The following CFAP47 variants were observed in gnomAD, a reference collection of about 807,000 sequenced individuals.
CFAP47 encodes cilia- and flagella-associated protein 47.
Under a neutral mutation model 148.1 loss-of-function variants are expected in CFAP47, and 29 were observed. The ratio of observed to expected loss-of-function variants is 0.20; its 90% confidence interval spans 0.15 to 0.27. The LOEUF is 0.27. Ranked by LOEUF, CFAP47 falls within the 10% of genes least tolerant of loss-of-function variation. CFAP47 has a pLI of 1.00. For synonymous variants in CFAP47, 664 were observed against 577.3 expected (o/e 1.15, Z -2.15); for missense variants, 1,872 against 1,697.5 (o/e 1.10, Z -1.81).
rs782046078 is a variant in CFAP47, at chrX:36,260,935, A to G, written c.7444+9491A>G. Among the ~76,000 whole-genome samples the G allele has an allele frequency of 1.5e-3, 171 of 110,788 alleles. 1 individual carries two copies. The highest frequency in any genetic ancestry group is 5.2e-3 in the African/African-American group (157 of 30,394). ...GTCTTCTGCATATGGCTAGACAATT[A>G]CCCCAGTACTATTTATTGAATAGGG... On this transcript the variant is annotated intron_variant, in intron 49 of 63. Transcript: ENST00000378653.
intron 10 of CFAP47, among the ~76,000 whole-genome samples, chrX:35,969,290 A>G (rs1024368326): frequency 9.0e-6 from 1 of 111,303 alleles, no homozygotes; most frequent in East Asian, 2.8e-4. Context: ...TGTAATTTCT[A>G]TTTCATTTTA....
intron 15 of CFAP47, among the ~76,000 whole-genome samples, chrX:35,984,386 T>A (rs956805157): frequency 9.0e-6 from 1 of 111,499 alleles, no homozygotes; most frequent in Non-Finnish European, 1.9e-5. Flanking sequence ...TCAATCTTAT[T>A]TATTCCTTCA....
intron 36 of CFAP47, among the ~76,000 whole-genome samples, chrX:36,146,104 C>T (rs751209640): frequency 2.7e-5 from 3 of 111,492 alleles, no homozygotes; most frequent in African/African-American, 9.7e-5. Flanking sequence ...TATCCAAGGG[C>T]TTTGGATAAA....
intron 25 of CFAP47, among the ~76,000 whole-genome samples, chrX:36,041,326 A>C (rs1019555256): frequency 9.0e-6 from 1 of 111,467 alleles, no homozygotes; most frequent in Non-Finnish European, 1.9e-5. Context: ...AAAATGAGAT[A>C]ATCAAAATAC....
At chrX:35,924,034 CAT>C in intron 1 of CFAP47, among the ~76,000 whole-genome samples, 1 of 91,524 alleles carries the variant, frequency 1.1e-5, no homozygotes, top group Admixed American at 1.2e-4. Context: ...TATATATGCA[CAT>C]ATATGTGTAT....
chrX:36,372,674 G>C (rs1569330314), intron 62 of CFAP47, among the ~76,000 whole-genome samples: 1 of 111,568 alleles, frequency 9.0e-6, no homozygotes, highest in Non-Finnish European at 1.9e-5. Context: ...ACACAGAAAA[G>C]GCACAGTAAA....
chrX:35,924,355 G>GTA lies in CFAP47; in HGVS notation c.250-1656_250-1655dup, dbSNP rs767766179. On this transcript the variant is annotated intron_variant, in intron 1 of 63. Coordinates refer to ENST00000378653, the MANE Select transcript of CFAP47 (RefSeq NM_001304548.2). ...TGTGTACATATATGTGTGCATATGT[G>GTA]TATATATGTATATGTGCATATATGC... is the stretch of plus-strand genomic sequence containing the variant. 2.8e-4 allele frequency among the ~76,000 whole-genome samples: 28 copies of GTA among 100,750 alleles called. 2 individuals are homozygous for GTA. The highest frequency in any genetic ancestry group is 1.0e-3 in the African/African-American group (24 of 23,125). The allele number at this position is 100,750 out of a possible 115,157, so 87.5% of individuals were successfully genotyped here. A position where few individuals can be genotyped will look rare whatever the true frequency, so the allele number is the denominator to read the frequency against.
chrX:35,926,560 G>T (rs868590782), intron 2 of CFAP47, among the ~76,000 whole-genome samples: 1 of 112,017 alleles, frequency 8.9e-6, no homozygotes, highest in East Asian at 2.8e-4. Flanking sequence ...CTAAGTGACT[G>T]ACTTGGTTGT....
intron 39 of CFAP47, among the ~76,000 whole-genome samples, chrX:36,172,713 G>C (rs1939601574): frequency 9.0e-6 from 1 of 111,569 alleles, no homozygotes; most frequent in Non-Finnish European, 1.9e-5. Context: ...GTATTTTATT[G>C]AGGAATTTTG....
At chrX:36,289,180 A>G (rs907170964) in intron 51 of CFAP47, among the ~76,000 whole-genome samples, 10 of 108,900 alleles carry the variant, frequency 9.2e-5, no homozygotes, top group African/African-American at 3.3e-4. Context: ...TTGTGTTTTT[A>G]GTAGAGATGG....
intron 39 of CFAP47, among the ~76,000 whole-genome samples, chrX:36,161,864 C>G (rs17311515): frequency 0.31 from 34,174 of 111,085 alleles, 4,738 homozygotes; most frequent in East Asian, 0.71. Context: ...TTGGTAAATA[C>G]CTGGTTCCTA....
intron 2 of CFAP47, among the ~76,000 whole-genome samples, chrX:35,932,774 G>A (rs1023103183): frequency 4.5e-5 from 5 of 110,068 alleles, no homozygotes; most frequent in Non-Finnish European, 9.5e-5. Flanking sequence ...TTACAGGCAC[G>A]TGCCACCATG....
intron 37 of CFAP47, among the ~76,000 whole-genome samples, chrX:36,157,600 T>G (rs1345416266): frequency 9.0e-6 from 1 of 111,452 alleles, no homozygotes; most frequent in Admixed American, 9.6e-5. Flanking sequence ...ATATATAATT[T>G]GTAATTTTCA....
At chrX:36,208,871 C>T (rs1353305134) in intron 45 of CFAP47, among the ~76,000 whole-genome samples, 1 of 110,574 alleles carries the variant, frequency 9.0e-6, no homozygotes, top group East Asian at 2.9e-4. Flanking sequence ...GAGGCTGAGG[C>T]AGGAGAATTG....
intron 40 of CFAP47, among the ~76,000 whole-genome samples, chrX:36,185,524 T>G (rs1939797295): frequency 8.9e-6 from 1 of 111,852 alleles, no homozygotes; most frequent in Admixed American, 9.5e-5. Context: ...TTTGAAAATG[T>G]TATCAGGCTC....
At chrX:36,100,666 G>A (rs1485403185) in intron 32 of CFAP47, among the ~76,000 whole-genome samples, 1 of 111,656 alleles carries the variant, frequency 9.0e-6, no homozygotes, top group African/African-American at 3.3e-5. Flanking sequence ...TTAGAACAAG[G>A]GAGGAATTGA....
At position 36,104,609 on chromosome X, in the gene CFAP47, T is replaced by G. The variant is rs1164490523; in HGVS notation, c.5238T>G (p.Ser1746=). The G allele has an allele frequency of 3.2e-6, 3 of 935,163 alleles. No individual in the cohort carries two copies. Among genetic ancestry groups the G allele is most frequent in the Admixed American group, 2.3e-5 (1 of 44,033 alleles). The allele number at this position is 935,163 out of a possible 1,213,427, so 77.1% of individuals were successfully genotyped here. The change falls in exon 33 of 64, where the codon TCT becomes TCG. Residue 1746 remains serine, a synonymous_variant. Coordinates refer to ENST00000378653, the MANE Select transcript of CFAP47 (RefSeq NM_001304548.2). ...NPCFASSNIY[S]DSERILLSWM... is the part of the protein sequence containing the mutation. ...GTTTTGCATCCAGCAACATATATTC[T>G]GATTCTGAAAGAATTTTGCTTAGTT... is the stretch of plus-strand genomic sequence containing the variant.
At chrX:36,090,125 A>G (rs371723140) in intron 30 of CFAP47, among the ~76,000 whole-genome samples, 104 of 112,194 alleles carry the variant, frequency 9.3e-4, no homozygotes, top group African/African-American at 3.2e-3. Flanking sequence ...CCTCACATTT[A>G]TTAGACTGAA....
intron 36 of CFAP47, among the ~76,000 whole-genome samples, chrX:36,147,830 T>C (rs1306832198): frequency 1.8e-5 from 2 of 112,451 alleles, no homozygotes; most frequent in Admixed American, 1.9e-4. Context: ...ACTTTTTCAC[T>C]CTTCGAATAT....
Sources: allele counts gnomAD v4.1 joint callset (sites outside exome capture counted in the v4.1 genomes callset), GRCh38; gene constraint gnomAD v4.1.1; transcripts MANE v1.5; gene names NCBI Gene and HGNC (gene_info 2026-07-23, HGNC 2026-07-21).